Variants in SLC7A1 observed in about 807,000 individuals in gnomAD.
SLC7A1 encodes solute carrier family 7 member 1.
A neutral mutation model predicts 53.9 loss-of-function variants in SLC7A1; 10 were observed. The ratio of observed to expected loss-of-function variants is 0.19; its 90% CI spans 0.11 to 0.31. SLC7A1 has a LOEUF of 0.31. SLC7A1 is among the 10% of genes least tolerant of loss of function. The pLI, the probability that SLC7A1 is intolerant of heterozygous loss-of-function variation, is 1.00. For synonymous variants in SLC7A1, 342 were observed against 338.7 expected, an observed-to-expected ratio of 1.01 and a Z score of -0.11; for missense variants, 525 against 827.2, an observed-to-expected ratio of 0.63 and a Z score of 4.48.
chr13:29,582,382 G>A (rs1450683670), intron 1 of SLC7A1, among the ~76,000 whole-genome samples: 1 of 152,212 alleles, frequency 6.6e-6, no homozygotes, highest in Admixed American at 6.5e-5. Context: ...AAGTGTACAG[G>A]CTATGACTGG....
chr13:29,517,725 G>A lies in SLC7A1; in HGVS notation c.1358C>T (p.Ala453Val). The A allele has an allele frequency of 6.2e-7, 1 of 1,614,204 alleles. No homozygotes were observed. Among genetic ancestry groups the A allele is most frequent in the Non-Finnish European group, 8.5e-7 (1 of 1,180,034 alleles). The change falls in exon 10 of 13, where the codon GCA becomes GTA. Residue 453 changes from alanine (A) to valine (V), a missense_variant. By Grantham distance (64) the Ala-to-Val change is moderately conservative. Around this residue, in one of 4 missense-constraint regions of SLC7A1, gnomAD observed 122 missense variants for 140.9 expected, o/e 0.87. Transcript: ENST00000380752. ...MASTSDELDP[A>V]DQNELASTND... ...GGTGCTTGCCAATTCATTTTGGTCT[G>A]CTGGATCTAACTCGTCGGAAGTACT... is the stretch of plus-strand genomic sequence containing the variant.
At chr13:29,573,980 C>G (rs1039222699) in intron 1 of SLC7A1, among the ~76,000 whole-genome samples, 1 of 152,208 alleles carries the variant, frequency 6.6e-6, no homozygotes, top group African/African-American at 2.4e-5. Flanking sequence ...TTGACAAGCT[C>G]TCTCACATGC....
chr13:29,591,558 AC>A (rs35303712), intron 1 of SLC7A1, among the ~76,000 whole-genome samples: 28,975 of 152,116 alleles, frequency 0.19, 2,882 homozygotes, highest in African/African-American at 0.22. Context: ...TGTGGGATCC[AC>A]TTTTAAAGAA....
rs564128361 is a variant in SLC7A1 at position 29,587,429 on chromosome 13, A to G, written c.-115+7987T>C. ...AAGCACAGTCATTGGCAAACAGCAA[A>G]CTTCACATGGTAAAATTTCACATTT... On this transcript the variant is annotated intron_variant, in intron 1 of 12. Transcript: ENST00000380752. Among the ~76,000 whole-genome samples, 3 of 152,314 alleles carry G rather than the reference A, an allele frequency of 2.0e-5. No individual in the cohort carries two copies. In the East Asian group the frequency reaches 5.8e-4, roughly 29 times the overall value.
chr13:29,551,481 G>A lies in SLC7A1; in HGVS notation c.-15+2280C>T, dbSNP rs117704568. Among the ~76,000 whole-genome samples the A allele has an allele frequency of 5.7e-3, 865 of 152,232 alleles. 2 individuals are homozygous for A. Among genetic ancestry groups the A allele is most frequent in the Non-Finnish European group, 9.8e-3 (664 of 68,018 alleles). ...CATAAATTCCCCCAATTCAGACAGG[G>A]TTCAAGACTTGTGCCCCAACACCAC... On this transcript the variant is annotated intron_variant, in intron 2 of 12. Coordinates refer to ENST00000380752, the MANE Select transcript of SLC7A1 (RefSeq NM_003045.5).
intron 1 of SLC7A1, among the ~76,000 whole-genome samples, chr13:29,588,614 G>C (rs1053756619): frequency 6.6e-6 from 1 of 150,596 alleles, no homozygotes; most frequent in Non-Finnish European, 1.5e-5. Flanking sequence ...AGTGATTCCT[G>C]TGTCTCAGCC....
intron 12 of SLC7A1, among the ~76,000 whole-genome samples, chr13:29,515,913 G>A (rs1411043564): frequency 1.3e-5 from 2 of 152,270 alleles, no homozygotes; most frequent in African/African-American, 4.8e-5. Flanking sequence ...CCTTGTTCCT[G>A]TTAATATCAA....
rs1416818383 is a variant in SLC7A1, at chr13:29,512,694, A to G, written c.*1786T>C. On this transcript the variant is annotated 3_prime_UTR_variant, in exon 13 of 13. Transcript: ENST00000380752. Reference sequence around the variant, plus strand: ...TAAATGTCAATATCACTCTTTGGAAATCGGAGCTCTGGGCTCTTATGATGC... The same window carrying G: ...TAAATGTCAATATCACTCTTTGGAAGTCGGAGCTCTGGGCTCTTATGATGC... 2 of 152,254 alleles carry G rather than the reference A, an allele frequency of 1.3e-5. No homozygotes were observed. Among genetic ancestry groups the G allele is most frequent in the Non-Finnish European group, 2.9e-5 (2 of 68,048 alleles). 9.4% of individuals were successfully genotyped at this position (152,254 alleles called of 1,614,324 possible). A position where few individuals can be genotyped will look rare whatever the true frequency, so the allele number is the denominator to read the frequency against.
Position 29,590,072 on chromosome 13 carries a change from GAGA to G in SLC7A1, c.-115+5341_-115+5343del, listed in dbSNP as rs372064610. Among the ~76,000 whole-genome samples the G allele has an allele frequency of 6.2e-3, 946 of 152,316 alleles. 10 individuals are homozygous for G. Among genetic ancestry groups the G allele is most frequent in the African/African-American group, 0.022 (908 of 41,560 alleles). On this transcript the variant is annotated intron_variant, in intron 1 of 12. Transcript: ENST00000380752. ...GCACTCAGTAAGCAGACAAGATGCAGAGAAGGACACTTCGAACACGTCCATAAC... is the reference window on the plus strand; with the variant it reads ...GCACTCAGTAAGCAGACAAGATGCAGAGGACACTTCGAACACGTCCATAAC...
chr13:29,567,921 T>C (rs1269005771), intron 1 of SLC7A1, among the ~76,000 whole-genome samples: 2 of 151,630 alleles, frequency 1.3e-5, no homozygotes, highest in Non-Finnish European at 2.9e-5. Flanking sequence ...GAGGGTGAGG[T>C]GGCCCTAACT....
chr13:29,517,701 G>C lies in SLC7A1; in HGVS notation c.1382C>G (p.Thr461Ser). Residue 461 changes from threonine to serine, a missense_variant, in exon 10 of 13, where the codon ACC becomes AGC. By Grantham distance (58) the Thr-to-Ser change is moderately conservative. This residue lies in a region of SLC7A1 where 122 missense variants were observed against 140.9 expected (regional missense o/e 0.87). Coordinates refer to ENST00000380752, the MANE Select transcript of SLC7A1 (RefSeq NM_003045.5). ...TAAAAAGCCCAGCTGGGAATCATTG[G>C]TGCTTGCCAATTCATTTTGGTCTGC... ...DPADQNELAS[T>S]NDSQLGFLPE... The C allele has an allele frequency of 1.2e-6, 2 of 1,614,202 alleles. No individual in the cohort carries two copies. Among genetic ancestry groups the C allele is most frequent in the Non-Finnish European group, 1.7e-6 (2 of 1,179,996 alleles).
chr13:29,551,984 C>T (rs1184290171), intron 2 of SLC7A1, among the ~76,000 whole-genome samples: 1 of 152,096 alleles, frequency 6.6e-6, no homozygotes, highest in Non-Finnish European at 1.5e-5. Flanking sequence ...TTATGGGCAG[C>T]CCCTCCTTCC....
chr13:29,545,588 C>A (rs1430818663), intron 2 of SLC7A1, among the ~76,000 whole-genome samples: 1 of 152,174 alleles, frequency 6.6e-6, no homozygotes, highest in African/African-American at 2.4e-5. Flanking sequence ...AGCATCACCC[C>A]ATGAGTAGCT....
At position 29,512,649 on chromosome 13, in the gene SLC7A1, T is replaced by C. The variant is rs530508711; in HGVS notation, c.*1831A>G. On this transcript the variant is annotated 3_prime_UTR_variant, in exon 13 of 13. Coordinates refer to ENST00000380752, the MANE Select transcript of SLC7A1 (RefSeq NM_003045.5). ...AAATAAGTTAGTATTTATCAAAATA[T>C]GTTACAACACCAATCTCCATAAATG... 2.6e-5 allele frequency: 4 copies of C among 152,166 alleles called. No individual in the cohort carries two copies. In the East Asian group the frequency reaches 5.8e-4, roughly 22 times the overall value. 9.4% of individuals were successfully genotyped at this position (152,166 alleles called of 1,614,324 possible).
At chr13:29,525,821 C>A (rs1430225052) in intron 5 of SLC7A1, among the ~76,000 whole-genome samples, 3 of 152,186 alleles carry the variant, frequency 2.0e-5, no homozygotes, top group Non-Finnish European at 4.4e-5. Flanking sequence ...AAACTAGCAA[C>A]CCAAGTTCAA....
Position 29,512,611 on chromosome 13 carries a change from C to G in SLC7A1, c.*1869G>C, listed in dbSNP as rs1883426199. 1 of 152,126 alleles carries G rather than the reference C, an allele frequency of 6.6e-6. No homozygotes were observed. The highest frequency in any genetic ancestry group is 1.5e-5 in the Non-Finnish European group (1 of 68,020). The allele number at this position is 152,126 out of a possible 1,614,324, so 9.4% of individuals were successfully genotyped here. A position where few individuals can be genotyped will look rare whatever the true frequency, so the allele number is the denominator to read the frequency against. On this transcript the variant is annotated 3_prime_UTR_variant, in exon 13 of 13. Coordinates refer to ENST00000380752, the MANE Select transcript of SLC7A1 (RefSeq NM_003045.5). The stretch of plus-strand genomic sequence containing the variant: ...ACCAGGTCCTAAGACAAGAGACAAC[C>G]AAAACCCCAACAAAATAAGTTAGTA...
rs144765989 is a variant in SLC7A1 at position 29,580,955 on chromosome 13, C to G, written c.-115+14461G>C. Among the ~76,000 whole-genome samples the G allele has an allele frequency of 2.9e-3, 438 of 152,306 alleles. 3 individuals are homozygous for G. The highest frequency in any genetic ancestry group is 0.01 in the African/African-American group (416 of 41,564). ...TCCCCTGAACCCCACATTCCCACCA[C>G]CGCCAGAGCCTCCCGGAGAAGAGCC... On this transcript the variant is annotated intron_variant, in intron 1 of 12. Coordinates refer to ENST00000380752, the MANE Select transcript of SLC7A1 (RefSeq NM_003045.5).
chr13:29,595,056 G>T (rs962912220), intron 1 of SLC7A1, among the ~76,000 whole-genome samples: 4 of 152,112 alleles, frequency 2.6e-5, no homozygotes, highest in Non-Finnish European at 5.9e-5. Flanking sequence ...GCCCGCCTAC[G>T]CACCCCGACC....
At chr13:29,535,320 G>T (rs891601396) in intron 3 of SLC7A1, among the ~76,000 whole-genome samples, 1 of 152,190 alleles carries the variant, frequency 6.6e-6, no homozygotes, top group African/African-American at 2.4e-5. Flanking sequence ...AATGATATGA[G>T]AAATGTTTAC....
Sources: gnomAD v4.1 joint callset for allele counts (sites outside exome capture counted in the v4.1 genomes callset) on GRCh38, gnomAD v4.1.1 for gene constraint, gnomAD v4.1.1 regional missense constraint, MANE v1.5 for transcripts, NCBI Gene and HGNC (gene_info 2026-07-23, HGNC 2026-07-21) for gene names.